The following GRIK1 variants were observed in gnomAD, a reference collection of about 807,000 sequenced individuals.
GRIK1 encodes the protein glutamate ionotropic receptor kainate type subunit 1, also known as glutamate receptor ionotropic, kainate 1.
Under a neutral mutation model 105.7 loss-of-function variants are expected in GRIK1, and 69 were observed. That is an observed-to-expected ratio of 0.65 (90% CI 0.54 to 0.80). The LOEUF is 0.80. Among genes scored for constraint, GRIK1 ranks in the 30% least tolerant of loss-of-function variants. The pLI is 0.00. For missense variants in GRIK1, 1,109 were observed against 1,167.3 expected, an observed-to-expected ratio of 0.95 and a Z score of 0.73; for synonymous variants, 438 against 431.3, an observed-to-expected ratio of 1.02 and a Z score of -0.19.
chr21:29,864,800 G>C (rs1467775440), intron 1 of GRIK1, among the ~76,000 whole-genome samples: 5 of 152,278 alleles, frequency 3.3e-5, no homozygotes, highest in Admixed American at 2.6e-4. Context: ...CTGTCAGCCT[G>C]TGTGGGACCT....
At chr21:29,627,286 ATTACT>A (rs1311469663) in intron 7 of GRIK1, among the ~76,000 whole-genome samples, 1 of 152,202 alleles carries the variant, frequency 6.6e-6, no homozygotes, top group Non-Finnish European at 1.5e-5. Flanking sequence ...TTTGAATTCC[ATTACT>A]AGCATTTGGT....
At chr21:29,827,254 G>A (rs371865677) in intron 1 of GRIK1, among the ~76,000 whole-genome samples, 61 of 152,072 alleles carry the variant, frequency 4.0e-4, no homozygotes, top group Admixed American at 1.3e-3. Flanking sequence ...TAAAGCAGGT[G>A]GTATTTTGAA....
intron 7 of GRIK1, among the ~76,000 whole-genome samples, chr21:29,629,214 GTGTGT>G (rs1160218192): frequency 6.8e-6 from 1 of 146,162 alleles, no homozygotes; most frequent in Admixed American, 6.8e-5. Flanking sequence ...GTGTGTGTGT[GTGTGT>G]GTGTGTGTGT....
chr21:29,688,811 T>C (rs916329760), intron 3 of GRIK1, among the ~76,000 whole-genome samples: 6 of 152,150 alleles, frequency 3.9e-5, no homozygotes, highest in East Asian at 3.9e-4. Context: ...TTCACCACCG[T>C]GAAGGTCGTG....
intron 1 of GRIK1, among the ~76,000 whole-genome samples, chr21:29,728,672 T>C (rs748762200): frequency 6.6e-6 from 1 of 152,198 alleles, no homozygotes; most frequent in Non-Finnish European, 1.5e-5. Context: ...CTGATGGACG[T>C]TCACCATGTG....
At chr21:29,937,791 C>G (rs2071818605) in intron 1 of GRIK1, among the ~76,000 whole-genome samples, 1 of 90,158 alleles carries the variant, frequency 1.1e-5, no homozygotes, top group Admixed American at 1.4e-4. Flanking sequence ...TTGTATTGTT[C>G]AGAATATTTT....
At chr21:29,680,546 T>TGAGGTTTTGCTTTCC (rs2063352328) in intron 3 of GRIK1, among the ~76,000 whole-genome samples, 1 of 152,200 alleles carries the variant, frequency 6.6e-6, no homozygotes, top group Non-Finnish European at 1.5e-5. Flanking sequence ...CCTCCTTATC[T>TGAGGTTTTGCTTTCC]GAGGTTTTGC....
Position 29,537,181 on chromosome 21 carries a change from A to G in GRIK1, c.*49T>C. The G allele has an allele frequency of 7.1e-7, 1 of 1,411,646 alleles. No individual in the cohort carries two copies. The highest frequency in any genetic ancestry group is 9.6e-7 in the Non-Finnish European group (1 of 1,044,412). 87.4% of individuals were successfully genotyped at this position (1,411,646 alleles called of 1,614,324 possible). ...CACTCCTCAGAAATCCTTTCTCCAA[A>G]AATCTGTAGGGAATGCATCCTTTTT... is the stretch of plus-strand genomic sequence containing the variant. On this transcript the variant is annotated 3_prime_UTR_variant, in exon 18 of 18. Transcript: ENST00000327783.
intron 1 of GRIK1, among the ~76,000 whole-genome samples, chr21:29,724,041 T>A (rs2064389796): frequency 6.6e-6 from 1 of 152,250 alleles, no homozygotes; most frequent in Admixed American, 6.5e-5. Flanking sequence ...TTTGAAATGT[T>A]GTGCCCTCTT....
intron 14 of GRIK1, among the ~76,000 whole-genome samples, chr21:29,574,527 T>A (rs1328836355): frequency 6.6e-6 from 1 of 152,168 alleles, no homozygotes; most frequent in Non-Finnish European, 1.5e-5. Context: ...GATGAATCAC[T>A]AGCTTGGGGT....
chr21:29,816,788 G>A (rs374900941), intron 1 of GRIK1, among the ~76,000 whole-genome samples: 85 of 152,214 alleles, frequency 5.6e-4, no homozygotes, highest in Middle Eastern at 6.8e-3. Flanking sequence ...CAGAGACTGG[G>A]AAGGGAAGTG....
At chr21:29,752,511 A>G (rs1423062471) in intron 1 of GRIK1, among the ~76,000 whole-genome samples, 1 of 152,120 alleles carries the variant, frequency 6.6e-6, no homozygotes, top group African/African-American at 2.4e-5. Flanking sequence ...GAGCTTAACA[A>G]TATTGTACAA....
chr21:29,642,107 G>A (rs1202131639), intron 7 of GRIK1, among the ~76,000 whole-genome samples: 2 of 152,180 alleles, frequency 1.3e-5, no homozygotes, highest in Admixed American at 1.3e-4. Context: ...ATCAAGTCCA[G>A]ACACACCCTG....
chr21:29,631,723 T>TTGAA (rs1398233101), intron 7 of GRIK1, among the ~76,000 whole-genome samples: 2 of 152,192 alleles, frequency 1.3e-5, no homozygotes, highest in African/African-American at 4.8e-5. Flanking sequence ...CATTAATAAT[T>TTGAA]TGAATATTGA....
Position 29,692,794 on chromosome 21 carries a change from C to T in GRIK1, c.286+1102G>A, listed in dbSNP as rs1043205029. Among the ~76,000 whole-genome samples the T allele has an allele frequency of 8.5e-5, 13 of 152,166 alleles. No individual in the cohort carries two copies. In the East Asian group the frequency reaches 1.5e-3, roughly 18 times the overall value. On this transcript the variant is annotated intron_variant, in intron 2 of 17. Coordinates refer to ENST00000327783, the MANE Select transcript of GRIK1 (RefSeq NM_001330994.2). ...TTCACCATGTTAGACAGAATGGTCT[C>T]GATCTCCTGACCTCGTGATCCACCT... is the stretch of plus-strand genomic sequence containing the variant.
At chr21:29,567,772 C>G in intron 14 of GRIK1, among the ~76,000 whole-genome samples, 1 of 152,118 alleles carries the variant, frequency 6.6e-6, no homozygotes. Context: ...TAAAAACAAC[C>G]ATTTCTTTTA....
chr21:29,666,645 A>G, intron 4 of GRIK1, among the ~76,000 whole-genome samples: 1 of 152,234 alleles, frequency 6.6e-6, no homozygotes, highest in East Asian at 1.9e-4. Flanking sequence ...AAATTTCTCT[A>G]TGATATCCCT....
intron 1 of GRIK1, among the ~76,000 whole-genome samples, chr21:29,737,688 G>A (rs1886117121): frequency 6.6e-6 from 1 of 152,258 alleles, no homozygotes; most frequent in Non-Finnish European, 1.5e-5. Context: ...GGCAACCCAA[G>A]CCTTTAATTC....
At chr21:29,786,219 C>T (rs544062150) in intron 1 of GRIK1, among the ~76,000 whole-genome samples, 7 of 152,292 alleles carry the variant, frequency 4.6e-5, no homozygotes, top group Non-Finnish European at 1.0e-4. Flanking sequence ...GATCTCTTGA[C>T]CCTGTGATCC....
Sources: allele counts gnomAD v4.1 joint callset (sites outside exome capture counted in the v4.1 genomes callset), GRCh38; gene constraint gnomAD v4.1.1; transcripts MANE v1.5; gene names NCBI Gene and HGNC (gene_info 2026-07-23, HGNC 2026-07-21).